Variants in WFDC8 observed in about 807,000 individuals in gnomAD.
WFDC8 encodes WAP four-disulfide core domain protein 8.
WFDC8 carries 24 observed loss-of-function variants against 27.0 expected under a neutral mutation model. The ratio of observed to expected loss-of-function variants is 0.89; its 90% CI spans 0.64 to 1.25. WFDC8 has a LOEUF of 1.25. Among genes scored for constraint, WFDC8 ranks in the 50% most tolerant of loss-of-function variants. WFDC8 has a pLI of 0.00. For missense variants in WFDC8, 287 were observed against 295.9 expected (o/e 0.97, Z 0.22); for synonymous variants, 106 against 99.7 (o/e 1.06, Z -0.38).
intron 1 of WFDC8, among the ~76,000 whole-genome samples, chr20:45,573,097 C>A (rs1046263037): frequency 3.9e-5 from 6 of 152,150 alleles, no homozygotes; most frequent in Non-Finnish European, 7.4e-5. Flanking sequence ...ATTTTCTTTG[C>A]TATGCAAACG....
At chr20:45,562,831 A>G (rs1980520381) in intron 1 of WFDC8, among the ~76,000 whole-genome samples, 1 of 152,104 alleles carries the variant, frequency 6.6e-6, no homozygotes, top group Non-Finnish European at 1.5e-5. Flanking sequence ...CATTTCCCAT[A>G]TGTGTCTTCA....
chr20:45,553,140 C>T lies in WFDC8; in HGVS notation c.582G>A (p.Trp194Ter). ...SRCGFVCARA[W>*]TVKKGFCPRK... Reference sequence around the variant, plus strand: ...AGGTATATCCCCAATCCTTACCTGTCCAGGCCCTGGCACAAACAAAGCCAC... The same window carrying T: ...AGGTATATCCCCAATCCTTACCTGTTCAGGCCCTGGCACAAACAAAGCCAC... The change falls in exon 5 of 6, where the codon TGG (tryptophan) becomes TGA (stop). Residue 194 changes from tryptophan (W) to a stop codon, truncating the protein, a stop_gained. Coordinates refer to ENST00000289953, the MANE Select transcript of WFDC8 (RefSeq NM_130896.3). LOFTEE classifies it low-confidence loss of function (END_TRUNC). The T allele has an allele frequency of 6.2e-7, 1 of 1,612,214 alleles. No homozygotes were observed. The highest frequency in any genetic ancestry group is 8.5e-7 in the Non-Finnish European group (1 of 1,179,194).
At chr20:45,552,319 A>G (rs971710298) in intron 5 of WFDC8, among the ~76,000 whole-genome samples, 154 bp from the exon 6 acceptor site, 13 of 152,328 alleles carry the variant, frequency 8.5e-5, no homozygotes, top group African/African-American at 2.9e-4. Flanking sequence ...GAGGCAGAGT[A>G]TCAACTTTCT....
At position 45,576,744 on chromosome 20, in the gene WFDC8, CTTT is replaced by C. The variant is rs141011670; in HGVS notation, c.26+2475_26+2477del. Among the ~76,000 whole-genome samples, 176 of 151,586 alleles carry C rather than the reference CTTT, an allele frequency of 1.2e-3. 2 individuals are homozygous for C. The highest frequency in any genetic ancestry group is 4.0e-3 in the African/African-American group (165 of 41,496). On this transcript the variant is annotated intron_variant, in intron 1 of 5. Transcript: ENST00000289953. ...TATTAATCAAACTATACTCTCTCTTCTTTGTTTGCATTTGCCTAGTCTTTTTTC... is the reference window on the plus strand; with the variant it reads ...TATTAATCAAACTATACTCTCTCTTCGTTTGCATTTGCCTAGTCTTTTTTC...
chr20:45,556,100 A>T (rs1363713614), intron 3 of WFDC8, among the ~76,000 whole-genome samples: 1 of 152,366 alleles, frequency 6.6e-6, no homozygotes, highest in African/African-American at 2.4e-5. Flanking sequence ...CAAGGTGCAT[A>T]TAAGAATCTT....
At chr20:45,555,412 A>G (rs1278234060) in intron 4 of WFDC8, among the ~76,000 whole-genome samples, 1 of 152,184 alleles carries the variant, frequency 6.6e-6, no homozygotes, top group African/African-American at 2.4e-5. Flanking sequence ...AAGGGGGCAC[A>G]CCTGGCTTTC....
intron 3 of WFDC8, among the ~76,000 whole-genome samples, chr20:45,556,647 T>C (rs1980267716): frequency 6.6e-6 from 1 of 152,206 alleles, no homozygotes; most frequent in South Asian, 2.1e-4. Context: ...GAGCTCAACG[T>C]CAACCATTCT....
chr20:45,572,872 G>T (rs939266859), intron 1 of WFDC8, among the ~76,000 whole-genome samples: 1 of 152,234 alleles, frequency 6.6e-6, no homozygotes, highest in Non-Finnish European at 1.5e-5. Context: ...CTCCCAAAGT[G>T]TTGGGATTAC....
intron 4 of WFDC8, among the ~76,000 whole-genome samples, chr20:45,554,748 G>C (rs1008937114): frequency 6.6e-6 from 1 of 152,132 alleles, no homozygotes; most frequent in Non-Finnish European, 1.5e-5. Flanking sequence ...TTCAAGTCAG[G>C]TCCCAGGGTT....
chr20:45,554,479 G>T (rs1238296011), intron 4 of WFDC8, among the ~76,000 whole-genome samples: 4 of 152,116 alleles, frequency 2.6e-5, no homozygotes, highest in African/African-American at 9.7e-5. Flanking sequence ...CAATTCTTTG[G>T]GGTTTTGTAT....
chr20:45,568,561 A>G (rs1980762564), intron 1 of WFDC8: 1 of 478,492 alleles, frequency 2.1e-6, no homozygotes, highest in South Asian at 1.6e-5. Flanking sequence ...GCTAATGCCC[A>G]ACACTATCTC....
intron 1 of WFDC8, among the ~76,000 whole-genome samples, chr20:45,576,210 A>G (rs371631284): frequency 1.7e-4 from 25 of 151,410 alleles, no homozygotes; most frequent in African/African-American, 6.0e-4. Context: ...TGATTGAGAA[A>G]GGTGTGTCAA....
At chr20:45,577,556 G>A (rs1036313604) in intron 1 of WFDC8, among the ~76,000 whole-genome samples, 7 of 149,752 alleles carry the variant, frequency 4.7e-5, no homozygotes, top group Non-Finnish European at 9.0e-5. Context: ...CCACCACCAC[G>A]TCCTGCTAAT....
chr20:45,564,499 G>A (rs180823811), intron 1 of WFDC8, among the ~76,000 whole-genome samples: 51 of 152,128 alleles, frequency 3.4e-4, no homozygotes, highest in African/African-American at 9.2e-4. Context: ...GTGAAATCCC[G>A]TCTATACTAA....
chr20:45,575,307 T>C lies in WFDC8; in HGVS notation c.26+3915A>G, dbSNP rs934547309. ...ACACCAAAAAAACTGTTAGAACTGATAAAGCAATTTATTAAACTTTCAGGA... is the reference window on the plus strand; with the variant it reads ...ACACCAAAAAAACTGTTAGAACTGACAAAGCAATTTATTAAACTTTCAGGA... On this transcript the variant is annotated intron_variant, in intron 1 of 5. Transcript: ENST00000289953. Among the ~76,000 whole-genome samples the C allele has an allele frequency of 3.9e-5, 6 of 152,272 alleles. No homozygotes were observed. The South Asian group carries it at 1.0e-3, about 26-fold the overall frequency.
chr20:45,567,730 A>G (rs554354750), intron 1 of WFDC8, among the ~76,000 whole-genome samples: 130 of 152,374 alleles, frequency 8.5e-4, no homozygotes, highest in Non-Finnish European at 1.3e-3. Context: ...GTAAAAGCAC[A>G]GGGAGGTTGG....
chr20:45,555,140 C>A (rs1980192189), intron 4 of WFDC8, among the ~76,000 whole-genome samples: 1 of 152,186 alleles, frequency 6.6e-6, no homozygotes, highest in South Asian at 2.1e-4. Context: ...ATGAAGAAAG[C>A]AGCAAGTGGG....
At chr20:45,568,912 T>A (rs1381300137) in intron 1 of WFDC8, 4 of 233,254 alleles carry the variant, frequency 1.7e-5, no homozygotes, top group Non-Finnish European at 1.8e-5. Flanking sequence ...AGGACCAGAC[T>A]GAAACAGTAA....
At chr20:45,553,969 A>G (rs1441322227) in intron 4 of WFDC8, among the ~76,000 whole-genome samples, 4 of 152,264 alleles carry the variant, frequency 2.6e-5, no homozygotes, top group Non-Finnish European at 4.4e-5. Context: ...GAGTGATGGT[A>G]AGAGGTACTG....
Sources: gnomAD v4.1 joint callset for allele counts (sites outside exome capture counted in the v4.1 genomes callset) on GRCh38, gnomAD v4.1.1 for gene constraint, MANE v1.5 for transcripts, NCBI Gene and HGNC (gene_info 2026-07-23, HGNC 2026-07-21) for gene names.